The following COL27A1 variants were observed in gnomAD, a reference collection of about 807,000 sequenced individuals.
COL27A1 encodes collagen alpha-1(XXVII) chain.
COL27A1 carries 106 observed loss-of-function variants against 251.3 expected under a neutral mutation model. That is an observed-to-expected ratio of 0.42 (90% CI 0.36 to 0.50). COL27A1 has a LOEUF of 0.50. Among genes scored for constraint, COL27A1 ranks in the 20% least tolerant of loss-of-function variants. The pLI is 0.00. For synonymous variants in COL27A1, 1,000 were observed against 986.3 expected (o/e 1.01, Z -0.26); for missense variants, 2,325 against 2,522.8 (o/e 0.92, Z 1.68).
chr9:114,216,341 C>A (rs1018579906), intron 12 of COL27A1, among the ~76,000 whole-genome samples: 1 of 152,246 alleles, frequency 6.6e-6, no homozygotes, highest in Non-Finnish European at 1.5e-5. Context: ...GGAGGAAGGT[C>A]CCTGCTGCTG....
chr9:114,206,616 G>A (rs1009381021), intron 10 of COL27A1, among the ~76,000 whole-genome samples: 2 of 152,326 alleles, frequency 1.3e-5, no homozygotes, highest in African/African-American at 4.8e-5. Flanking sequence ...GCCAGTATGG[G>A]CCACTTGAAT....
chr9:114,218,025 G>A (rs1178798688), intron 12 of COL27A1: 1 of 355,248 alleles, frequency 2.8e-6, no homozygotes. Flanking sequence ...GAGGCGGCAG[G>A]ATCACTAGGA....
chr9:114,276,043 A>G (rs1368995485), intron 37 of COL27A1, among the ~76,000 whole-genome samples: 3 of 152,066 alleles, frequency 2.0e-5, no homozygotes, highest in Non-Finnish European at 4.4e-5. Flanking sequence ...ATCCAGACAC[A>G]CTAAACTTTT....
rs112292728 is a variant in COL27A1 at position 114,197,378 on chromosome 9, A to G, written c.2124+1366A>G. ...GCCATACCTTCAACCTGAGAGGCCCACCCCAGAAGCAGTGGCTGTTTGTGA... is the reference window on the plus strand; with the variant it reads ...GCCATACCTTCAACCTGAGAGGCCCGCCCCAGAAGCAGTGGCTGTTTGTGA... On this transcript the variant is annotated intron_variant, in intron 7 of 60. Coordinates refer to ENST00000356083, the MANE Select transcript of COL27A1 (RefSeq NM_032888.4). 7.7e-3 allele frequency among the ~76,000 whole-genome samples: 1,176 copies of G among 152,174 alleles called. 17 individuals carry two copies. The highest frequency in any genetic ancestry group is 0.025 in the African/African-American group (1,021 of 41,506).
chr9:114,172,116 G>A (rs1429946692), intron 3 of COL27A1, among the ~76,000 whole-genome samples: 1 of 152,200 alleles, frequency 6.6e-6, no homozygotes, highest in Non-Finnish European at 1.5e-5. Flanking sequence ...CACCCTAGGA[G>A]GAACCCGGAA....
chr9:114,156,236 G>C (rs1848114055), intron 1 of COL27A1, among the ~76,000 whole-genome samples: 1 of 142,510 alleles, frequency 7.0e-6, no homozygotes, highest in African/African-American at 2.5e-5. Context: ...CCGGCTGCCC[G>C]ATCCCGTTGG....
At chr9:114,159,268 G>A (rs1214579872) in intron 1 of COL27A1, among the ~76,000 whole-genome samples, 1 of 152,186 alleles carries the variant, frequency 6.6e-6, no homozygotes, top group African/African-American at 2.4e-5. Context: ...AGATTACAAG[G>A]ATTTGCCCTC....
At chr9:114,238,818 G>A (rs1459242241) in intron 19 of COL27A1, among the ~76,000 whole-genome samples, 2 of 152,190 alleles carry the variant, frequency 1.3e-5, no homozygotes, top group Admixed American at 1.3e-4. Context: ...AGGAGGCTGT[G>A]CAGTGTCCTC....
At position 114,231,839 on chromosome 9, in the gene COL27A1, G is replaced by C. The variant is rs757766671; in HGVS notation, c.2538G>C (p.Val846=). Residue 846 remains valine (V), a synonymous_variant, in exon 16 of 61, where the codon GTG becomes GTC. Transcript: ENST00000356083. ...TCTTGCAGGGACTGATGGGCAGCGT[G>C]GGGGAGCCCGGACTGAAAGGTGATA... ...PKGMKGLMGS[V]GEPGLKGDKG... 57 of 1,614,060 alleles carry C rather than the reference G, an allele frequency of 3.5e-5. No homozygotes were observed. Among genetic ancestry groups the C allele is most frequent in the Non-Finnish European group, 4.4e-5 (52 of 1,180,010 alleles).
chr9:114,176,766 C>T (rs757351251), intron 3 of COL27A1, among the ~76,000 whole-genome samples: 14 of 152,194 alleles, frequency 9.2e-5, no homozygotes, highest in Admixed American at 2.0e-4. Context: ...AACAGACCCT[C>T]CTCCTTCTGC....
intron 1 of COL27A1, among the ~76,000 whole-genome samples, chr9:114,161,346 G>A (rs1848484177): frequency 1.3e-5 from 2 of 152,104 alleles, no homozygotes; most frequent in Admixed American, 6.5e-5. Context: ...CACTGGCATG[G>A]CAAATGAAAT....
chr9:114,205,036 G>A, intron 7 of COL27A1, 66 bp from the exon 8 acceptor site: 2 of 1,513,514 alleles, frequency 1.3e-6, no homozygotes, highest in South Asian at 2.3e-5. Context: ...GGGAGGCTGG[G>A]CCCTTGCGAT....
chr9:114,197,550 G>A (rs1321125487), intron 7 of COL27A1, among the ~76,000 whole-genome samples: 2 of 152,200 alleles, frequency 1.3e-5, no homozygotes, highest in African/African-American at 4.8e-5. Context: ...AGCAGCCTCG[G>A]GTGGTCTTGT....
intron 37 of COL27A1, among the ~76,000 whole-genome samples, chr9:114,278,623 T>C (rs1343056038): frequency 6.8e-6 from 1 of 148,054 alleles, no homozygotes; most frequent in Non-Finnish European, 1.5e-5. Flanking sequence ...GATATGGTGG[T>C]ATGGCGTAGG....
intron 12 of COL27A1, chr9:114,217,972 G>T (rs113728554): frequency 0.076 from 28,095 of 371,974 alleles, 1,155 homozygotes; most frequent in African/African-American, 0.13. Flanking sequence ...AAATTAGCCA[G>T]GTGTAGTGGT....
rs750826790 is a variant in COL27A1, at chr9:114,235,639, T to C, written c.2606T>C (p.Phe869Ser). 2.5e-5 allele frequency: 40 copies of C among 1,613,440 alleles called. No homozygotes were observed. In the Middle Eastern group the frequency reaches 5.0e-4, roughly 20 times the overall value. The change falls in exon 17 of 61, where the codon TTC becomes TCC. Residue 869 changes from phenylalanine to serine, a missense_variant. By Grantham distance (155) the Phe-to-Ser change is radical (BLOSUM62 -2). Around this residue, in one of 4 missense-constraint regions of COL27A1, gnomAD observed 662 missense variants for 795.3 expected, o/e 0.83. Coordinates refer to ENST00000356083, the MANE Select transcript of COL27A1 (RefSeq NM_032888.4). Reference sequence around the variant, plus strand: ...CCAGGTGTGTCAGGAGATCCCGGATTCCAAGGAGACAAGGTAATTGCATGA... The same window carrying C: ...CCAGGTGTGTCAGGAGATCCCGGATCCCAAGGAGACAAGGTAATTGCATGA... ...GVPGVSGDPG[F>S]QGDKGSQGLP... is the part of the protein sequence containing the mutation.
chr9:114,196,201 G>A (rs1260659864), intron 7 of COL27A1, among the ~76,000 whole-genome samples, 189 bp downstream of exon 7: 2 of 152,202 alleles, frequency 1.3e-5, no homozygotes, highest in African/African-American at 2.4e-5. Flanking sequence ...GGAATACCTC[G>A]GCTCGTAGTA....
intron 55 of COL27A1, 129 bp downstream of exon 55, chr9:114,301,846 AG>A (rs1422682266): frequency 4.2e-6 from 4 of 952,420 alleles, no homozygotes; most frequent in Non-Finnish European, 6.4e-6. Flanking sequence ...ACAGACTCCT[AG>A]GAGAGTATAG....
At chr9:114,188,121 C>T (rs1828514418) in intron 5 of COL27A1, among the ~76,000 whole-genome samples, 1 of 152,218 alleles carries the variant, frequency 6.6e-6, no homozygotes, top group African/African-American at 2.4e-5. Flanking sequence ...TGCTCCGGCA[C>T]AGCAGGGCTA....
Sources: gnomAD v4.1 joint callset for allele counts (sites outside exome capture counted in the v4.1 genomes callset) on GRCh38, gnomAD v4.1.1 for gene constraint, gnomAD v4.1.1 regional missense constraint, MANE v1.5 for transcripts, NCBI Gene and HGNC (gene_info 2026-07-23, HGNC 2026-07-21) for gene names.